LRRC49: variants seen among roughly 807,000 people sequenced by gnomAD.
The protein encoded by LRRC49 is leucine-rich repeat-containing protein 49.
A neutral mutation model predicts 83.3 loss-of-function variants in LRRC49; 50 were observed. The ratio of observed to expected loss-of-function variants is 0.60; its 90% CI spans 0.48 to 0.76. The LOEUF (loss-of-function observed/expected upper bound fraction) is 0.76. Among genes scored for constraint, LRRC49 ranks in the 30% least tolerant of loss-of-function variants. LRRC49 has a pLI of 0.00. For missense variants in LRRC49, 704 were observed against 809.1 expected (o/e 0.87, Z 1.58); for synonymous variants, 286 against 283.3 (o/e 1.01, Z -0.10).
intron 6 of LRRC49, among the ~76,000 whole-genome samples, chr15:70,913,985 A>G (rs2034655660): frequency 1.3e-5 from 2 of 152,058 alleles, no homozygotes; most frequent in South Asian, 4.2e-4. Context: ...TAATTTCAGC[A>G]TATGTTTGTG....
chr15:70,889,320 A>G (rs1338099216), upstream of LRRC49, among the ~76,000 whole-genome samples: 1 of 152,146 alleles, frequency 6.6e-6, no homozygotes, highest in African/African-American at 2.4e-5. Flanking sequence ...GAAGCCAGAC[A>G]CAGAAAATGG....
intron 7 of LRRC49, chr15:70,936,501 A>G: frequency 8.5e-6 from 3 of 352,990 alleles, no homozygotes; most frequent in Non-Finnish European, 1.5e-5. Flanking sequence ...GCATGCTTAA[A>G]GAGGCTAGCG....
chr15:71,021,593 C>T (rs1453098019), intron 14 of LRRC49, among the ~76,000 whole-genome samples: 1 of 152,150 alleles, frequency 6.6e-6, no homozygotes, highest in Admixed American at 6.5e-5. Context: ...TTCTTTGAGA[C>T]TATAGGTCAG....
At chr15:70,879,130 G>A (rs1020927042) in intron 2 of LRRC49, among the ~76,000 whole-genome samples, 3 of 152,140 alleles carry the variant, frequency 2.0e-5, no homozygotes, top group African/African-American at 4.8e-5. Flanking sequence ...AGATATAGGC[G>A]CTTCAGACTT....
At chr15:70,933,090 C>T (rs189127541) in intron 7 of LRRC49, among the ~76,000 whole-genome samples, 1 of 152,066 alleles carries the variant, frequency 6.6e-6, no homozygotes, top group Non-Finnish European at 1.5e-5. Flanking sequence ...GTAGGACAAG[C>T]ATTTTTCTCA....
At chr15:70,941,512 G>C (rs1032266710) in intron 8 of LRRC49, among the ~76,000 whole-genome samples, 18 of 148,142 alleles carry the variant, frequency 1.2e-4, no homozygotes, top group African/African-American at 4.4e-4. Context: ...AAAAAAAAAA[G>C]AAAAGAAAAA....
intron 6 of LRRC49, 94 bp downstream of exon 6, chr15:70,911,692 C>A (rs2034559139): frequency 2.7e-6 from 2 of 754,190 alleles, no homozygotes; most frequent in Non-Finnish European, 4.3e-6. Context: ...TTGAATTTTT[C>A]AAGAGTTTCT....
At chr15:71,029,829 A>G (rs1312323381) in intron 14 of LRRC49, among the ~76,000 whole-genome samples, 1 of 152,192 alleles carries the variant, frequency 6.6e-6, no homozygotes, top group Non-Finnish European at 1.5e-5. Flanking sequence ...TTTATCACAG[A>G]CTAAGATTGC....
chr15:70,888,979 A>G (rs1016391802), upstream of LRRC49, among the ~76,000 whole-genome samples: 2 of 152,222 alleles, frequency 1.3e-5, no homozygotes, highest in Non-Finnish European at 2.9e-5. Context: ...GGAACAATGG[A>G]AACTATCAAA....
chr15:71,038,869 T>C (rs2039610342), intron 15 of LRRC49, among the ~76,000 whole-genome samples: 1 of 152,130 alleles, frequency 6.6e-6, no homozygotes. Context: ...CATTCAAAAA[T>C]CATGTATTGA....
At chr15:70,940,148 C>A (rs2035755609) in intron 8 of LRRC49, among the ~76,000 whole-genome samples, 1 of 151,672 alleles carries the variant, frequency 6.6e-6, no homozygotes, top group African/African-American at 2.4e-5. Flanking sequence ...AGAAAAGAAT[C>A]TATTTCTATT....
At chr15:70,950,003 C>G (rs2036159602) in intron 8 of LRRC49, among the ~76,000 whole-genome samples, 1 of 152,054 alleles carries the variant, frequency 6.6e-6, no homozygotes, top group African/African-American at 2.4e-5. Flanking sequence ...TCTTTGTTCC[C>G]TTCTTTGTAT....
chr15:71,005,130 G>A (rs1034157906), intron 11 of LRRC49, among the ~76,000 whole-genome samples: 2 of 151,984 alleles, frequency 1.3e-5, no homozygotes, highest in Non-Finnish European at 2.9e-5. Context: ...TCAGGTTTGC[G>A]CATGTGCCCC....
chr15:70,981,226 C>G (rs1596094618), intron 10 of LRRC49, among the ~76,000 whole-genome samples: 1 of 151,766 alleles, frequency 6.6e-6, no homozygotes, highest in African/African-American at 2.4e-5. Flanking sequence ...TGGACATTCT[C>G]AGCAAACTAA....
intron 14 of LRRC49, among the ~76,000 whole-genome samples, chr15:71,029,040 G>T (rs746686246): frequency 6.6e-6 from 1 of 151,816 alleles, no homozygotes; most frequent in Non-Finnish European, 1.5e-5. Context: ...GTAACGTTAG[G>T]GTGTCGATTT....
chr15:70,979,187 T>TA (rs1218409480), intron 9 of LRRC49, among the ~76,000 whole-genome samples: 4 of 152,122 alleles, frequency 2.6e-5, no homozygotes, highest in East Asian at 1.9e-4. Context: ...TTATAACCTT[T>TA]AAAAAAATTG....
chr15:70,938,541 A>T (rs2035685360), intron 8 of LRRC49, among the ~76,000 whole-genome samples: 1 of 152,084 alleles, frequency 6.6e-6, no homozygotes, highest in Admixed American at 6.5e-5. Flanking sequence ...AGGAGGTGGT[A>T]TAGTGAATAT....
chr15:70,930,636 T>G (rs917712824), intron 7 of LRRC49, among the ~76,000 whole-genome samples: 1 of 152,226 alleles, frequency 6.6e-6, no homozygotes, highest in African/African-American at 2.4e-5. Context: ...CTTCTTCCAA[T>G]AGAAGGCTGT....
rs963767295 is a variant in LRRC49 at position 70,871,560 on chromosome 15, C to T, written c.-298-1348C>T. The stretch of plus-strand genomic sequence containing the variant: ...GAGGCGCCCCCCACCTCCCGAACGG[C>T]GCGGCTGGCCGGGCGGGGGCTGCCC... On this transcript the variant is annotated intron_variant, in intron 1 of 16. Transcript: ENST00000544974. Among the ~76,000 whole-genome samples, 30 of 147,426 alleles carry T rather than the reference C, an allele frequency of 2.0e-4. 1 individual carries two copies. Among genetic ancestry groups the T allele is most frequent in the African/African-American group, 7.5e-4 (30 of 39,750 alleles).
Sources: gnomAD v4.1 joint callset for allele counts (sites outside exome capture counted in the v4.1 genomes callset) on GRCh38, gnomAD v4.1.1 for gene constraint, MANE v1.5 for transcripts, NCBI Gene and HGNC (gene_info 2026-07-23, HGNC 2026-07-21) for gene names.